The following GOLGA8S variants were observed in gnomAD, a reference collection of about 807,000 sequenced individuals.
GOLGA8S encodes golgin A8 family member S, also known as golgin subfamily A member 8S.
A neutral mutation model predicts 58.9 loss-of-function variants in GOLGA8S; 23 were observed. The ratio of observed to expected loss-of-function variants is 0.39; its 90% confidence interval spans 0.28 to 0.55. The LOEUF is 0.55. Ranked by LOEUF, GOLGA8S falls within the 20% of genes least tolerant of loss-of-function variation. The pLI is 0.63. For missense variants in GOLGA8S, 266 were observed against 514.2 expected, an observed-to-expected ratio of 0.52 and a Z score of 4.67; for synonymous variants, 84 against 195.7, an observed-to-expected ratio of 0.43 and a Z score of 4.76.
In GOLGA8S at chr15:23,364,327, A is replaced by G. The variant is rs750935245; in HGVS notation, c.1348-16A>G. ...CAGGTCGCTGCCGAGATGTGACTAC[A>G]ATATTTTGGCTCCAGAGCAGCTTTA... On this transcript the variant is annotated splice_polypyrimidine_tract_variant and intron_variant, in intron 15 of 18. Transcript: ENST00000562295. 1.4e-5 allele frequency: 22 copies of G among 1,599,734 alleles called. 1 individual carries two copies. Among genetic ancestry groups the G allele is most frequent in the Non-Finnish European group, 1.9e-5 (22 of 1,178,222 alleles).
chr15:23,362,584 T>C (rs1222394591), intron 13 of GOLGA8S, among the ~76,000 whole-genome samples: 2 of 137,594 alleles, frequency 1.5e-5, no homozygotes, highest in South Asian at 2.6e-4. Context: ...ATTTAGCAGA[T>C]GGTGGTTGGC....
downstream of GOLGA8S, among the ~76,000 whole-genome samples, chr15:23,367,717 A>G (rs1189310742): frequency 1.3e-5 from 2 of 151,832 alleles, 1 homozygote; most frequent in East Asian, 3.8e-4. Context: ...CATTCGGTAT[A>G]AGGCAGCTTT....
rs4036658 is a variant in GOLGA8S, at chr15:23,364,486, G to A, written c.1449-40G>A. 31 of 1,605,142 alleles carry A rather than the reference G, an allele frequency of 1.9e-5. 1 individual carries two copies. The highest frequency in any genetic ancestry group is 1.7e-4 in the African/African-American group (13 of 74,728). On this transcript the variant is annotated intron_variant, in intron 16 of 18. Transcript: ENST00000562295. ...GCACAGCAGGGGGAGCTACAGGGCC[G>A]TCGGAGGGGCCCCAGCGTCTGAGCC...
chr15:23,365,141 C>G (rs1408926252), downstream of GOLGA8S: 1 of 1,586,392 alleles, frequency 6.3e-7, no homozygotes. Context: ...ATAAACATCA[C>G]CATCATCAAA....
rs537037345 is a variant in GOLGA8S at position 23,365,026 on chromosome 15, G to A, written c.1770G>A (p.Lys590=). The A allele has an allele frequency of 1.1e-5, 18 of 1,580,288 alleles. No homozygotes were observed. In the East Asian group the frequency reaches 4.0e-4, roughly 35 times the overall value. Residue 590 remains lysine (K), a synonymous_variant, in exon 19 of 19, where the codon AAG becomes AAA. Coordinates refer to ENST00000562295, the Ensembl canonical transcript of GOLGA8S. ...CCAGGGAGGATCCTCTCCTTGACAA[G>A]CCTACTGCACAGCCGATCGTGCAGG...
rs769153867 is a variant in GOLGA8S, at chr15:23,364,512, C to G, written c.1449-14C>G. On this transcript the variant is annotated splice_polypyrimidine_tract_variant and intron_variant, in intron 16 of 18. Transcript: ENST00000562295. The stretch of plus-strand genomic sequence containing the variant: ...TCGGAGGGGCCCCAGCGTCTGAGCC[C>G]TGTCCTCCCGCAGGAAAATCCATCA... The G allele has an allele frequency of 6.9e-6, 11 of 1,603,756 alleles. No homozygotes were observed. The highest frequency in any genetic ancestry group is 4.5e-5 in the East Asian group (2 of 44,844).
At chr15:23,360,869 G>A (rs1469130157) in intron 11 of GOLGA8S, 54 bp downstream of exon 11, 1 of 1,048,624 alleles carries the variant, frequency 9.5e-7, no homozygotes, top group Non-Finnish European at 1.5e-6. Context: ...AGGGCTGTGA[G>A]GGTGGCTTGG....
At chr15:23,364,292 C>T in intron 15 of GOLGA8S, 51 bp from the exon 16 acceptor site, 2 of 1,593,712 alleles carry the variant, frequency 1.3e-6, no homozygotes, top group Non-Finnish European at 1.7e-6. Flanking sequence ...TTGAAAATGC[C>T]ACCTGAGGGC....
At chr15:23,364,276 C>A in intron 15 of GOLGA8S, 67 bp from the exon 16 acceptor site, 1 of 1,588,208 alleles carries the variant, frequency 6.3e-7, no homozygotes, top group Admixed American at 1.7e-5. Flanking sequence ...CCACCTTCTC[C>A]ATGACTTGAA....
rs766537082 is a variant in GOLGA8S, at chr15:23,364,494, G to A, written c.1449-32G>A. On this transcript the variant is annotated intron_variant, in intron 16 of 18. Transcript: ENST00000562295. ...GGGGGAGCTACAGGGCCGTCGGAGGGGCCCCAGCGTCTGAGCCCTGTCCTC... is the reference window on the plus strand; with the variant it reads ...GGGGGAGCTACAGGGCCGTCGGAGGAGCCCCAGCGTCTGAGCCCTGTCCTC... The A allele has an allele frequency of 3.1e-6, 5 of 1,605,224 alleles. No individual in the cohort carries two copies. The Admixed American group carries it at 8.3e-5, about 27-fold the overall frequency.
chr15:23,361,661 A>G, intron 12 of GOLGA8S, 63 bp from the exon 13 acceptor site: 1 of 632,044 alleles, frequency 1.6e-6, no homozygotes, highest in Non-Finnish European at 2.8e-6. Context: ...CATGGGAGGC[A>G]GTCACCAAGT....
downstream of GOLGA8S, chr15:23,365,146 A>G (rs78711474): frequency 1.5e-4 from 244 of 1,585,648 alleles, 11 homozygotes; most frequent in African/African-American, 1.9e-3. Context: ...CATCACCATC[A>G]TCAAAGAGCT....
chr15:23,354,997 G>C, intron 1 of GOLGA8S, 104 bp downstream of exon 1: 1 of 414,780 alleles, frequency 2.4e-6, no homozygotes, highest in East Asian at 4.0e-5. Context: ...ACCGGACTGG[G>C]GCCCCCACAC....
rs1160082412 is a variant in GOLGA8S, at chr15:23,361,149, C to A, written c.875-72C>A. 1.6e-5 allele frequency: 16 copies of A among 984,830 alleles called. 1 individual carries two copies. The East Asian group carries it at 2.0e-4, about 12-fold the overall frequency. 61.0% of individuals were successfully genotyped at this position (984,830 alleles called of 1,614,324 possible). On this transcript the variant is annotated intron_variant, in intron 11 of 18. Transcript: ENST00000562295. Reference sequence around the variant, plus strand: ...AGAGGAGGGTTTTTTCTTTTCTTTTCTTTTCTTTTCTTTTCTTTTCTTTTT... The same window carrying A: ...AGAGGAGGGTTTTTTCTTTTCTTTTATTTTCTTTTCTTTTCTTTTCTTTTT...
chr15:23,364,627 G>T lies in GOLGA8S; in HGVS notation c.1546+4G>T. The T allele has an allele frequency of 6.7e-7, 1 of 1,495,488 alleles. No homozygotes were observed. The allele number at this position is 1,495,488 out of a possible 1,614,324, so 92.6% of individuals were successfully genotyped here. On this transcript the variant is annotated splice_donor_region_variant and intron_variant, in intron 17 of 18. Transcript: ENST00000562295. The stretch of plus-strand genomic sequence containing the variant: ...GGAGCTCAGGGAGGAGATGAAGGTA[G>T]GGTGTGCAACATCTCTGTGGGGGTG...
chr15:23,362,705 C>G (rs2069822373), intron 13 of GOLGA8S, among the ~76,000 whole-genome samples: 1 of 142,696 alleles, frequency 7.0e-6, no homozygotes, highest in Non-Finnish European at 1.5e-5. Flanking sequence ...AAGGCAGTCA[C>G]TTAGGCCTGA....
chr15:23,361,872 C>G, intron 13 of GOLGA8S, 80 bp downstream of exon 13: 1 of 863,636 alleles, frequency 1.2e-6, no homozygotes. Flanking sequence ...AGGGGAGGTG[C>G]CAGGCCAGCG....
At chr15:23,367,928 A>C (rs2069947373), downstream of GOLGA8S, among the ~76,000 whole-genome samples, 1 of 151,996 alleles carries the variant, frequency 6.6e-6, no homozygotes, top group Non-Finnish European at 1.5e-5. Context: ...AATCAGCTCT[A>C]AAACGAAAGC....
In GOLGA8S at chr15:23,355,024, C is replaced by T. The variant is rs1438989605; in HGVS notation, c.48+131C>T. On this transcript the variant is annotated intron_variant, in intron 1 of 18. Coordinates refer to ENST00000562295, the Ensembl canonical transcript of GOLGA8S. ...CCCCCACACCAGTGCCTCTGGGCTACCCCCACCAAAGTTTTGCCAGTCAGC... is the reference window on the plus strand; with the variant it reads ...CCCCCACACCAGTGCCTCTGGGCTATCCCCACCAAAGTTTTGCCAGTCAGC... 1.0e-5 allele frequency: 4 copies of T among 390,310 alleles called. 1 individual carries two copies. The African/African-American group carries it at 1.3e-4, about 12-fold the overall frequency. 24.2% of individuals were successfully genotyped at this position (390,310 alleles called of 1,614,324 possible). A position where few individuals can be genotyped will look rare whatever the true frequency, so the allele number is the denominator to read the frequency against.
Sources: gnomAD v4.1 joint callset for allele counts (sites outside exome capture counted in the v4.1 genomes callset) on GRCh38, gnomAD v4.1.1 for gene constraint, MANE v1.5 for transcripts, NCBI Gene and HGNC (gene_info 2026-07-23, HGNC 2026-07-21) for gene names.